Variants in FAM193A observed in about 807,000 individuals in gnomAD.
FAM193A encodes family with sequence similarity 193 member A, also known as protein FAM193A.
Under a neutral mutation model 126.5 loss-of-function variants are expected in FAM193A, and 22 were observed. That is an observed-to-expected ratio of 0.17 (90% CI 0.12 to 0.25). The LOEUF is 0.25. FAM193A is among the 10% of genes least tolerant of loss of function. The pLI, the probability that FAM193A is intolerant of heterozygous loss-of-function variation, is 1.00. For synonymous variants in FAM193A, 761 were observed against 646.8 expected (o/e 1.18, Z -2.68); for missense variants, 1,675 against 1,672.8 (o/e 1.00, Z -0.02).
intron 20 of FAM193A, among the ~76,000 whole-genome samples, chr4:2,719,488 G>T (rs1268693480): frequency 6.6e-6 from 1 of 152,184 alleles, no homozygotes; most frequent in South Asian, 2.1e-4. Context: ...GCTCACGCCT[G>T]TAATCCCAGA....
intron 1 of FAM193A, among the ~76,000 whole-genome samples, chr4:2,542,529 G>A (rs1298792836): frequency 1.3e-5 from 2 of 152,188 alleles, no homozygotes; most frequent in African/African-American, 4.8e-5. Flanking sequence ...AACTCTTTAT[G>A]GTAACTGGGG....
At chr4:2,606,994 A>G (rs1195985847) in intron 2 of FAM193A, among the ~76,000 whole-genome samples, 2 of 152,218 alleles carry the variant, frequency 1.3e-5, no homozygotes, top group Non-Finnish European at 2.9e-5. Context: ...CCAAGTCCAA[A>G]TAACCATAGT....
At chr4:2,630,123 C>T (rs1743410223) in intron 4 of FAM193A, among the ~76,000 whole-genome samples, 1 of 146,098 alleles carries the variant, frequency 6.8e-6, no homozygotes, top group African/African-American at 2.6e-5. Context: ...CAGAGTGAGA[C>T]TCCATCTCAA....
At chr4:2,699,240 C>T (rs1717385367) in intron 18 of FAM193A, among the ~76,000 whole-genome samples, 2 of 152,154 alleles carry the variant, frequency 1.3e-5, no homozygotes, top group Admixed American at 1.3e-4. Flanking sequence ...GTTCTGGCGG[C>T]ACGTGTACAG....
Position 2,690,784 on chromosome 4 carries a change from G to A in FAM193A, c.2617G>A (p.Asp873Asn), listed in dbSNP as rs1716284835. The A allele has an allele frequency of 6.2e-7, 1 of 1,614,064 alleles. No individual in the cohort carries two copies. The highest frequency in any genetic ancestry group is 8.5e-7 in the Non-Finnish European group (1 of 1,179,958). Residue 873 changes from aspartate (D) to asparagine (N), a missense_variant, in exon 15 of 21, where the codon GAT (aspartate) becomes AAT (asparagine). Asp to Asn is a conservative substitution (Grantham distance 23, BLOSUM62 1). Transcript: ENST00000637812. ...PSSNETPAVSDSKEKKNAAKK... is the reference protein window; with the variant it reads ...PSSNETPAVSNSKEKKNAAKK... ...TAGCAATGAAACACCTGCAGTCTCG[G>A]ATAGTAAAGAGAAAAAGAATGCTGC...
chr4:2,687,973 C>T (rs557046632), intron 13 of FAM193A, among the ~76,000 whole-genome samples: 19 of 152,272 alleles, frequency 1.2e-4, no homozygotes, highest in Non-Finnish European at 1.5e-4. Flanking sequence ...AGGATTCTGC[C>T]GAACCATCGC....
At chr4:2,719,924 G>A (rs1055287899) in intron 20 of FAM193A, 5 of 265,934 alleles carry the variant, frequency 1.9e-5, no homozygotes, top group Non-Finnish European at 3.9e-5. Context: ...CCAAGTAGCC[G>A]GGACTACAGG....
chr4:2,580,274 C>T (rs1029625602), intron 1 of FAM193A, among the ~76,000 whole-genome samples: 29 of 152,026 alleles, frequency 1.9e-4, no homozygotes, highest in African/African-American at 5.8e-4. Flanking sequence ...CGCTTATAGC[C>T]GATGAGAACA....
intron 2 of FAM193A, among the ~76,000 whole-genome samples, chr4:2,603,276 G>C (rs1226408398): frequency 1.2e-5 from 1 of 84,034 alleles, no homozygotes; most frequent in Non-Finnish European, 2.2e-5. Flanking sequence ...GAGCCACCGC[G>C]CCTGGCTTTT....
intron 2 of FAM193A, among the ~76,000 whole-genome samples, chr4:2,610,964 C>A (rs1001006952): frequency 3.3e-5 from 5 of 152,162 alleles, no homozygotes; most frequent in African/African-American, 1.2e-4. Flanking sequence ...CTCAAACTTA[C>A]AACCTCAGGT....
At chr4:2,693,526 C>G (rs1051834315) in intron 15 of FAM193A, 60 bp from the exon 16 acceptor site, 1 of 1,511,706 alleles carries the variant, frequency 6.6e-7, no homozygotes, top group South Asian at 1.3e-5. Context: ...TTCAGATTTT[C>G]TACAGGTTTG....
chr4:2,611,321 T>C (rs866492697), intron 2 of FAM193A, among the ~76,000 whole-genome samples: 1 of 152,090 alleles, frequency 6.6e-6, no homozygotes, highest in Non-Finnish European at 1.5e-5. Flanking sequence ...CAGGCTGGAG[T>C]GCAGTGGCTC....
chr4:2,731,349 G>C (rs1254509728), intron 20 of FAM193A, among the ~76,000 whole-genome samples: 1 of 151,746 alleles, frequency 6.6e-6, no homozygotes, highest in African/African-American at 2.4e-5. Flanking sequence ...CTGGGCAAGA[G>C]AGTGAGACCC....
In FAM193A at chr4:2,590,501, AAAAACAAAAAAAAAAC is replaced by A. The variant is rs1740499429; in HGVS notation, c.256-5573_256-5558del. ...CAAAAAAAAACAAAAAAAAACAAAA[AAAAACAAAAAAAAAAC>A]AAAACAAAATTAAAAAACAGAAAAT... is the stretch of plus-strand genomic sequence containing the variant. On this transcript the variant is annotated intron_variant, in intron 1 of 20. Transcript: ENST00000637812. Among the ~76,000 whole-genome samples the A allele has an allele frequency of 1.8e-4, 8 of 43,666 alleles. 1 individual carries two copies. Among genetic ancestry groups the A allele is most frequent in the South Asian group, 5.5e-4 (1 of 1,828 alleles). 28.6% of individuals were successfully genotyped at this position (43,666 alleles called of 152,430 possible).
At chr4:2,723,009 C>T (rs1016336873) in intron 20 of FAM193A, among the ~76,000 whole-genome samples, 1 of 152,148 alleles carries the variant, frequency 6.6e-6, no homozygotes, top group Non-Finnish European at 1.5e-5. Context: ...CGCAGTGGCT[C>T]GCACCTGTAA....
intron 19 of FAM193A, among the ~76,000 whole-genome samples, chr4:2,705,759 T>C (rs1718233959): frequency 6.6e-6 from 1 of 151,940 alleles, no homozygotes; most frequent in East Asian, 1.9e-4. Flanking sequence ...TGGCTAATTT[T>C]TTTTTTTTTA....
Position 2,663,196 on chromosome 4 carries a change from G to T in FAM193A, c.1987G>T (p.Ala663Ser). 6.2e-7 allele frequency: 1 copy of T among 1,614,216 alleles called. No homozygotes were observed. Among genetic ancestry groups the T allele is most frequent in the Non-Finnish European group, 8.5e-7 (1 of 1,180,036 alleles). The part of the protein sequence containing the change: ...DGESSGEPPG[A>S]PKEDGVLGSR... ...CGAGAGTAGTGGGGAGCCCCCAGGG[G>T]CCCCGAAGGAAGATGGAGTGCTGGG... is the stretch of plus-strand genomic sequence containing the variant. The change falls in exon 12 of 21, where the codon GCC becomes TCC. Residue 663 changes from alanine to serine, a missense_variant. Physicochemically the swap from Ala to Ser is moderately conservative, Grantham distance 99. This residue lies in a region of FAM193A where 1,186 missense variants were observed against 1,109.2 expected (regional missense o/e 1.07). Coordinates refer to ENST00000637812, the MANE Select transcript of FAM193A (RefSeq NM_001366318.2).
chr4:2,672,229 T>G lies in FAM193A; in HGVS notation c.2188T>G (p.Leu730Val). Residue 730 changes from leucine (L) to valine (V), a missense_variant, in exon 13 of 21, where the codon TTG (leucine) becomes GTG (valine). Transcript: ENST00000637812. Reference protein sequence around the residue: ...AGALPPGHQFLSPEKPTHPAL... With the variant: ...AGALPPGHQFVSPEKPTHPAL... ...AGCCCTTCCTCCTGGCCATCAGTTC[T>G]TGAGCCCAGAGAAGCCCACACACCC... 1 of 1,614,264 alleles carries G rather than the reference T, an allele frequency of 6.2e-7. No homozygotes were observed.
At chr4:2,624,180 T>C (rs1272779315) in intron 2 of FAM193A, among the ~76,000 whole-genome samples, 3 of 151,136 alleles carry the variant, frequency 2.0e-5, no homozygotes, top group South Asian at 4.2e-4. Context: ...ATGTTCTCTC[T>C]CTCTTTTTTT....
Sources: allele counts gnomAD v4.1 joint callset (sites outside exome capture counted in the v4.1 genomes callset), GRCh38; gene constraint gnomAD v4.1.1; regional missense constraint gnomAD v4.1.1; transcripts MANE v1.5; gene names NCBI Gene and HGNC (gene_info 2026-07-23, HGNC 2026-07-21).